GLRA1: variants seen among roughly 807,000 people sequenced by gnomAD.
GLRA1 encodes glycine receptor alpha 1.
GLRA1 carries 37 observed loss-of-function variants against 48.3 expected under a neutral mutation model. That is an observed-to-expected ratio of 0.77 (90% CI 0.59 to 1.01). The LOEUF (loss-of-function observed/expected upper bound fraction) is 1.01. Among genes scored for constraint, GLRA1 ranks in the 50% least tolerant of loss-of-function variants. The pLI is 0.00. For missense variants in GLRA1, 427 were observed against 571.0 expected, an observed-to-expected ratio of 0.75 and a Z score of 2.57; for synonymous variants, 196 against 210.7, an observed-to-expected ratio of 0.93 and a Z score of 0.60.
chr5:151,825,738 T>C (rs1001040208), intron 8 of GLRA1, among the ~76,000 whole-genome samples: 4 of 152,182 alleles, frequency 2.6e-5, no homozygotes, highest in Admixed American at 1.3e-4. Context: ...ACCAGATGCT[T>C]TGTGCACAAC....
At chr5:151,916,351 C>T (rs751205952) in intron 1 of GLRA1, among the ~76,000 whole-genome samples, 2 of 152,200 alleles carry the variant, frequency 1.3e-5, no homozygotes, top group Non-Finnish European at 2.9e-5. Flanking sequence ...GCAAATCTGC[C>T]TGGCAGCCAG....
intron 7 of GLRA1, chr5:151,850,422 TC>T: frequency 8.4e-7 from 1 of 1,193,898 alleles, no homozygotes; most frequent in East Asian, 2.3e-5. Context: ...CAGGAAGTGT[TC>T]AGGCTGCCAT....
chr5:151,840,028 T>C (rs947252675), intron 7 of GLRA1, among the ~76,000 whole-genome samples: 7 of 151,390 alleles, frequency 4.6e-5, no homozygotes, highest in African/African-American at 1.7e-4. Context: ...AGGGCAATCA[T>C]GAAAAAAATA....
At chr5:151,826,428 A>G (rs923181652) in intron 8 of GLRA1, among the ~76,000 whole-genome samples, 1 of 152,242 alleles carries the variant, frequency 6.6e-6, no homozygotes, top group African/African-American at 2.4e-5. Context: ...TATCTGCTTC[A>G]GGATGGACAC....
chr5:151,884,453 A>AAAACAAAACAAAACAAAACAAAAC lies in GLRA1; in HGVS notation c.252+2267_252+2268insGTTTTGTTTTGTTTTGTTTTGTTT, dbSNP rs1246833460. 1.8e-4 allele frequency among the ~76,000 whole-genome samples: 7 copies of AAAACAAAACAAAACAAAACAAAAC among 39,336 alleles called. No individual in the cohort carries two copies. In the East Asian group the frequency reaches 5.9e-3, roughly 33 times the overall value. The allele number at this position is 39,336 out of a possible 152,430, so 25.8% of individuals were successfully genotyped here. A position where few individuals can be genotyped will look rare whatever the true frequency, so the allele number is the denominator to read the frequency against. The stretch of plus-strand genomic sequence containing the variant: ...CAAAACAAAACAAAACAAAACAAAA[A>AAAACAAAACAAAACAAAACAAAAC]AACCCATTTTTTCTCTACACACTTC... On this transcript the variant is annotated intron_variant, in intron 3 of 8. Transcript: ENST00000274576.
intron 1 of GLRA1, among the ~76,000 whole-genome samples, chr5:151,913,140 C>T (rs1754658226): frequency 6.6e-6 from 1 of 152,168 alleles, no homozygotes; most frequent in Non-Finnish European, 1.5e-5. Context: ...GGATTGTGCT[C>T]TGATAGGAAA....
At chr5:151,893,163 T>C (rs1323759537) in intron 1 of GLRA1, among the ~76,000 whole-genome samples, 1 of 152,170 alleles carries the variant, frequency 6.6e-6, no homozygotes, top group Non-Finnish European at 1.5e-5. Flanking sequence ...AGGGATGCAT[T>C]ACACTGTTTC....
In GLRA1 at chr5:151,855,003, G is replaced by A. The variant is rs192457393; in HGVS notation, c.697+37C>T. The A allele has an allele frequency of 2.3e-4, 367 of 1,607,412 alleles. No individual in the cohort carries two copies. The African/African-American group carries it at 4.4e-3, about 19-fold the overall frequency. On this transcript the variant is annotated intron_variant, in intron 6 of 8. Transcript: ENST00000274576. ...CTGAAATGACCTCTGGTCCTGGTTG[G>A]GGGGTGGGATCTGAGGAGGGTGGCC... is the stretch of plus-strand genomic sequence containing the variant.
intron 1 of GLRA1, among the ~76,000 whole-genome samples, chr5:151,909,747 G>A (rs1754563618): frequency 6.6e-6 from 1 of 152,134 alleles, no homozygotes; most frequent in African/African-American, 2.4e-5. Context: ...AGGGAAAGTT[G>A]TCATGGTAAT....
chr5:151,853,061 A>G (rs1045299495), intron 6 of GLRA1, among the ~76,000 whole-genome samples: 1 of 152,192 alleles, frequency 6.6e-6, no homozygotes, highest in Middle Eastern at 3.2e-3. Flanking sequence ...AGAAGCCAAA[A>G]GTAGCATGGT....
intron 7 of GLRA1, among the ~76,000 whole-genome samples, chr5:151,831,258 T>G (rs925838672): frequency 5.9e-5 from 9 of 152,242 alleles, no homozygotes; most frequent in Admixed American, 3.3e-4. Context: ...GCAGTTTTGT[T>G]TTTTCATACC....
chr5:151,912,387 A>C (rs1380886509), intron 1 of GLRA1, among the ~76,000 whole-genome samples: 1 of 151,524 alleles, frequency 6.6e-6, no homozygotes, highest in Admixed American at 6.6e-5. Context: ...GTCTTATGGA[A>C]GGGGCTTCTC....
At chr5:151,874,108 G>A (rs1753564189) in intron 3 of GLRA1, among the ~76,000 whole-genome samples, 1 of 152,150 alleles carries the variant, frequency 6.6e-6, no homozygotes, top group Admixed American at 6.5e-5. Flanking sequence ...TATGTGAAGG[G>A]TTGTCAGTTG....
intron 6 of GLRA1, among the ~76,000 whole-genome samples, chr5:151,852,021 C>G (rs1247378754): frequency 6.6e-6 from 1 of 152,140 alleles, no homozygotes; most frequent in East Asian, 1.9e-4. Context: ...ATGACTTGTT[C>G]CTGTTATTTC....
intron 1 of GLRA1, among the ~76,000 whole-genome samples, chr5:151,910,060 C>T (rs1754572165): frequency 1.3e-5 from 2 of 152,126 alleles, no homozygotes; most frequent in African/African-American, 4.8e-5. Context: ...ATTTTGCTTC[C>T]AGCACAATGA....
At chr5:151,875,961 G>A (rs1753617351) in intron 3 of GLRA1, among the ~76,000 whole-genome samples, 1 of 152,138 alleles carries the variant, frequency 6.6e-6, no homozygotes, top group Admixed American at 6.5e-5. Flanking sequence ...TCTATAAAAT[G>A]GGATTGTTGT....
At chr5:151,827,889 A>G (rs1051784661) in intron 8 of GLRA1, among the ~76,000 whole-genome samples, 4 of 152,076 alleles carry the variant, frequency 2.6e-5, no homozygotes, top group African/African-American at 9.7e-5. Context: ...AAAAACTGCA[A>G]TTATTTTTGC....
At chr5:151,839,332 A>T (rs1024210267) in intron 7 of GLRA1, among the ~76,000 whole-genome samples, 4 of 149,984 alleles carry the variant, frequency 2.7e-5, no homozygotes, top group South Asian at 4.3e-4. Context: ...GTAACTGCAT[A>T]GGTAAATATT....
At chr5:151,892,832 G>A (rs1754113614) in intron 1 of GLRA1, among the ~76,000 whole-genome samples, 1 of 152,174 alleles carries the variant, frequency 6.6e-6, no homozygotes, top group African/African-American at 2.4e-5. Context: ...CGGACAGAAA[G>A]GATGTTAGAG....
Sources: allele counts gnomAD v4.1 joint callset (sites outside exome capture counted in the v4.1 genomes callset), GRCh38; gene constraint gnomAD v4.1.1; transcripts MANE v1.5; gene names NCBI Gene and HGNC (gene_info 2026-07-23, HGNC 2026-07-21).